The following CCNC variants were observed in gnomAD, a reference collection of about 807,000 sequenced individuals.
The protein encoded by CCNC is cyclin C, also known as cyclin-C.
A neutral mutation model predicts 50.0 loss-of-function variants in CCNC; 19 were observed. The observed-to-expected ratio is 0.38, with a 90% confidence interval of 0.27 to 0.56. CCNC has a LOEUF of 0.56. Ranked by LOEUF, CCNC falls within the 20% of genes least tolerant of loss-of-function variation. CCNC has a pLI of 0.72. For synonymous variants in CCNC, 93 were observed against 103.7 expected (o/e 0.90, Z 0.63); for missense variants, 200 against 327.1 (o/e 0.61, Z 3.00).
At chr6:99,567,382 T>C (rs1263538393) in intron 1 of CCNC, among the ~76,000 whole-genome samples, 1 of 147,162 alleles carries the variant, frequency 6.8e-6, no homozygotes, top group East Asian at 2.0e-4. Flanking sequence ...CAATGCAACA[T>C]ATATACACAC....
At position 99,568,481 on chromosome 6, in the gene CCNC, C is replaced by CGGAA; in HGVS notation, c.32+11_32+14dup. On this transcript the variant is annotated intron_variant, in intron 1 of 11. Coordinates refer to ENST00000520429, the MANE Select transcript of CCNC (RefSeq NM_005190.4). Reference sequence around the variant, plus strand: ...CAAAAACCGGCCCCAGGTGAGAAGACGGAAGATCGCTTACTAGTGGGAGCT... The same window carrying CGGAA: ...CAAAAACCGGCCCCAGGTGAGAAGACGGAAGGAAGATCGCTTACTAGTGGGAGCT... The CGGAA allele has an allele frequency of 6.2e-7, 1 of 1,611,414 alleles. No individual in the cohort carries two copies. Among genetic ancestry groups the CGGAA allele is most frequent in the East Asian group, 2.2e-5 (1 of 44,646 alleles).
intron 5 of CCNC, among the ~76,000 whole-genome samples, chr6:99,552,504 CTA>C (rs1378333856): frequency 2.0e-5 from 3 of 151,920 alleles, no homozygotes; most frequent in African/African-American, 4.8e-5. Flanking sequence ...AGTTAGTACT[CTA>C]TTATCTATTA....
intron 5 of CCNC, among the ~76,000 whole-genome samples, chr6:99,553,179 G>A (rs936658620): frequency 2.6e-5 from 4 of 152,230 alleles, no homozygotes; most frequent in Admixed American, 6.5e-5. Context: ...ATTTAAACTT[G>A]ACATTAGTAA....
intron 4 of CCNC, among the ~76,000 whole-genome samples, chr6:99,559,854 G>A (rs1802701618): frequency 6.6e-6 from 1 of 151,672 alleles, no homozygotes; most frequent in Admixed American, 6.6e-5. Context: ...CTAGTAGCTG[G>A]GATTACAGGC....
intron 6 of CCNC, among the ~76,000 whole-genome samples, chr6:99,551,487 T>G (rs1001593083): frequency 6.6e-6 from 1 of 152,200 alleles, no homozygotes; most frequent in African/African-American, 2.4e-5. Context: ...TATTGTTCCA[T>G]TAGTTTTTAA....
chr6:99,543,437 C>A lies in CCNC; in HGVS notation c.*118G>T. The A allele has an allele frequency of 9.3e-7, 1 of 1,077,108 alleles. No homozygotes were observed. Among genetic ancestry groups the A allele is most frequent in the Non-Finnish European group, 1.4e-6 (1 of 731,078 alleles). The allele number at this position is 1,077,108 out of a possible 1,614,324, so 66.7% of individuals were successfully genotyped here. A position where few individuals can be genotyped will look rare whatever the true frequency, so the allele number is the denominator to read the frequency against. On this transcript the variant is annotated 3_prime_UTR_variant, in exon 12 of 12. Transcript: ENST00000520429. ...TATTTTGCAAAAATAAAATCACTTT[C>A]CAATATGCTTGACAGAAACAAGCTA...
Position 99,549,264 on chromosome 6 carries a change from G to A in CCNC, c.598+244C>T, listed in dbSNP as rs552411615. ...AACAAATATGTTCTATTCAGACACC[G>A]ATTAAAACTATTTTGAATGGTTTCA... On this transcript the variant is annotated intron_variant, in intron 9 of 11. Transcript: ENST00000520429. The A allele has an allele frequency of 1.7e-4, 95 of 556,582 alleles. 1 individual carries two copies. Among genetic ancestry groups the A allele is most frequent in the African/African-American group, 5.5e-4 (26 of 47,224 alleles). 34.5% of individuals were successfully genotyped at this position (556,582 alleles called of 1,614,324 possible). A position where few individuals can be genotyped will look rare whatever the true frequency, so the allele number is the denominator to read the frequency against.
rs1802072341 is a variant in CCNC at position 99,546,405 on chromosome 6, T to C, written c.668A>G (p.Asp223Gly). 6.2e-7 allele frequency: 1 copy of C among 1,610,016 alleles called. No homozygotes were observed. Among genetic ancestry groups the C allele is most frequent in the Non-Finnish European group, 8.5e-7 (1 of 1,176,344 alleles). ...CAACTAAGGGAATACCTTTTCCATA[T>C]CCACAGAAAGCTCAGCAAACCATTG... ...ARQWFAELSVDMEKILEIIRV... is the reference protein window; with the variant it reads ...ARQWFAELSVGMEKILEIIRV... Residue 223 changes from aspartate (D) to glycine (G), a missense_variant, in exon 10 of 12, where the codon GAT becomes GGT. Asp to Gly is a moderately conservative substitution (Grantham distance 94). Coordinates refer to ENST00000520429, the MANE Select transcript of CCNC (RefSeq NM_005190.4).
chr6:99,562,807 C>T (rs373145779), intron 2 of CCNC, 35 bp downstream of exon 2: 1 of 1,205,014 alleles, frequency 8.3e-7, no homozygotes, highest in Non-Finnish European at 1.2e-6. Context: ...AGGTAACCAA[C>T]TATACAATTT....
At chr6:99,554,908 T>G (rs756561665) in intron 5 of CCNC, among the ~76,000 whole-genome samples, 2 of 152,228 alleles carry the variant, frequency 1.3e-5, no homozygotes, top group Non-Finnish European at 2.9e-5. Context: ...CACTAACCCA[T>G]GTATATACAC....
intron 5 of CCNC, 111 bp downstream of exon 5, chr6:99,558,386 A>C: frequency 6.7e-7 from 1 of 1,494,070 alleles, no homozygotes; most frequent in Non-Finnish European, 8.9e-7. Flanking sequence ...AGGAAATTTA[A>C]TAAAGCCAAC....
At chr6:99,560,591 A>C (rs1210772549) in intron 4 of CCNC, among the ~76,000 whole-genome samples, 1 of 152,226 alleles carries the variant, frequency 6.6e-6, no homozygotes, top group East Asian at 1.9e-4. Flanking sequence ...CAAAGATTTC[A>C]CACCACCAAA....
intron 1 of CCNC, 87 bp downstream of exon 1, chr6:99,568,409 G>A: frequency 7.6e-7 from 1 of 1,320,522 alleles, no homozygotes; most frequent in South Asian, 1.2e-5. Context: ...GAACTGAGCT[G>A]GGATCCAGGC....
upstream of CCNC, chr6:99,568,675 GA>G (rs1298514663): frequency 4.6e-6 from 7 of 1,505,782 alleles, no homozygotes; most frequent in African/African-American, 9.7e-5. Flanking sequence ...AAAGGAAGAG[GA>G]TGGCCCCCTA....
chr6:99,544,085 A>G (rs762154130), intron 11 of CCNC: 20 of 1,385,966 alleles, frequency 1.4e-5, no homozygotes, highest in Non-Finnish European at 1.9e-5. Context: ...GCAAACCTTT[A>G]TAAGTCAGCA....
At chr6:99,543,730 T>A in intron 11 of CCNC, 121 bp from the exon 12 acceptor site, 2 of 1,494,762 alleles carry the variant, frequency 1.3e-6, no homozygotes, top group African/African-American at 2.8e-5. Flanking sequence ...ACAAAGACAT[T>A]CCTCATTATA....
chr6:99,552,500 T>C (rs1802343002), intron 5 of CCNC, among the ~76,000 whole-genome samples: 1 of 152,120 alleles, frequency 6.6e-6, no homozygotes, highest in South Asian at 2.1e-4. Flanking sequence ...ATAAAGTTAG[T>C]ACTCTATTAT....
chr6:99,558,577 A>G, intron 4 of CCNC, 29 bp from the exon 5 acceptor site: 2 of 1,582,350 alleles, frequency 1.3e-6, no homozygotes, highest in Non-Finnish European at 8.6e-7. Flanking sequence ...GTACATGTTA[A>G]CCCAATGAAT....
intron 11 of CCNC, among the ~76,000 whole-genome samples, chr6:99,544,586 G>A (rs1160619842): frequency 6.6e-6 from 1 of 151,890 alleles, no homozygotes; most frequent in East Asian, 1.9e-4. Flanking sequence ...AACCCTCTTA[G>A]CACAGGTGAT....
Sources: allele counts gnomAD v4.1 joint callset (sites outside exome capture counted in the v4.1 genomes callset), GRCh38; gene constraint gnomAD v4.1.1; transcripts MANE v1.5; gene names NCBI Gene and HGNC (gene_info 2026-07-23, HGNC 2026-07-21).